The following BCAS1 variants were observed in gnomAD, a reference collection of about 807,000 sequenced individuals.
The protein encoded by BCAS1 is brain enriched myelin associated protein 1.
In BCAS1, 46 loss-of-function variants were observed where a neutral mutation model predicts 65.4. That is an observed-to-expected ratio of 0.70 (90% CI 0.55 to 0.90). BCAS1 has a LOEUF of 0.90. Among genes scored for constraint, BCAS1 ranks in the 40% least tolerant of loss-of-function variants. The pLI is 0.00. For missense variants in BCAS1, 793 were observed against 771.2 expected (o/e 1.03, Z -0.33); for synonymous variants, 298 against 293.5 (o/e 1.02, Z -0.16).
intron 10 of BCAS1, among the ~76,000 whole-genome samples, chr20:53,963,787 A>G (rs1411160385): frequency 1.3e-5 from 2 of 152,232 alleles, no homozygotes; most frequent in Admixed American, 6.5e-5. Flanking sequence ...TTTGGAAGCT[A>G]TGAACATGTT....
chr20:53,967,141 G>C, intron 9 of BCAS1, 68 bp from the exon 10 acceptor site: 1 of 1,561,644 alleles, frequency 6.4e-7, no homozygotes, highest in Middle Eastern at 1.8e-4. Flanking sequence ...GTTTTACAAA[G>C]TGGGGTCCTT....
intron 11 of BCAS1, among the ~76,000 whole-genome samples, chr20:53,957,045 A>G (rs757034947): frequency 3.3e-5 from 5 of 152,240 alleles, no homozygotes; most frequent in Non-Finnish European, 7.3e-5. Context: ...CAGACATGAG[A>G]AGAAACAGGG....
intron 3 of BCAS1, among the ~76,000 whole-genome samples, chr20:54,044,636 G>C (rs2092063898): frequency 6.6e-6 from 1 of 152,108 alleles, no homozygotes; most frequent in Non-Finnish European, 1.5e-5. Context: ...TCAGGAGTTT[G>C]AGACCAGCCT....
intron 1 of BCAS1, among the ~76,000 whole-genome samples, chr20:54,059,946 G>C (rs2092356128): frequency 6.6e-6 from 1 of 152,222 alleles, no homozygotes; most frequent in African/African-American, 2.4e-5. Context: ...TGGGCACTAG[G>C]GTTACAGCTG....
intron 4 of BCAS1, among the ~76,000 whole-genome samples, chr20:54,017,521 G>A (rs1212604681): frequency 2.0e-5 from 3 of 151,488 alleles, no homozygotes; most frequent in Non-Finnish European, 4.4e-5. Flanking sequence ...TCAGCTTCCT[G>A]AGTAGCTGAG....
At chr20:54,041,989 C>T (rs2092009065) in intron 3 of BCAS1, among the ~76,000 whole-genome samples, 1 of 149,964 alleles carries the variant, frequency 6.7e-6, no homozygotes. Flanking sequence ...TGGAAAATAG[C>T]TCAGTAATAT....
intron 12 of BCAS1, among the ~76,000 whole-genome samples, chr20:53,948,642 T>C (rs2089412509): frequency 6.6e-6 from 1 of 152,206 alleles, no homozygotes; most frequent in African/African-American, 2.4e-5. Flanking sequence ...ATGCAACCCC[T>C]TTCCTGCCTT....
intron 9 of BCAS1, among the ~76,000 whole-genome samples, chr20:53,969,032 G>C (rs2090111380): frequency 6.6e-6 from 1 of 152,216 alleles, no homozygotes; most frequent in Non-Finnish European, 1.5e-5. Context: ...TGAGCCACAA[G>C]AGCCCTTCAG....
intron 8 of BCAS1, among the ~76,000 whole-genome samples, chr20:53,979,285 T>G (rs926621950): frequency 2.0e-5 from 3 of 152,112 alleles, no homozygotes; most frequent in African/African-American, 7.2e-5. Flanking sequence ...CAATAAGAAC[T>G]CCAGAATCAG....
At chr20:53,996,241 G>T (rs1000058312) in intron 4 of BCAS1, among the ~76,000 whole-genome samples, 191 bp from the exon 5 acceptor site, 3 of 152,068 alleles carry the variant, frequency 2.0e-5, no homozygotes, top group African/African-American at 7.2e-5. Context: ...AACATATTCA[G>T]CATTTGCTGT....
At chr20:54,006,779 G>A (rs908527570) in intron 4 of BCAS1, among the ~76,000 whole-genome samples, 1 of 151,970 alleles carries the variant, frequency 6.6e-6, no homozygotes, top group Non-Finnish European at 1.5e-5. Context: ...ACTTGCCTAC[G>A]GTGTCATGAA....
chr20:54,021,291 A>G (rs1213502036), intron 4 of BCAS1, among the ~76,000 whole-genome samples: 2 of 151,740 alleles, frequency 1.3e-5, no homozygotes, highest in African/African-American at 2.4e-5. Flanking sequence ...GGTCACTGCA[A>G]TAGAGTCAAT....
chr20:54,008,536 G>A (rs1433475183), intron 4 of BCAS1, among the ~76,000 whole-genome samples: 1 of 152,212 alleles, frequency 6.6e-6, no homozygotes, highest in Non-Finnish European at 1.5e-5. Flanking sequence ...CCCAACAATG[G>A]AGGCTGGTGA....
intron 10 of BCAS1, among the ~76,000 whole-genome samples, chr20:53,957,768 G>A (rs1469832749): frequency 6.6e-6 from 1 of 152,180 alleles, no homozygotes; most frequent in Non-Finnish European, 1.5e-5. Context: ...AATGATGACG[G>A]TTCCAATTAA....
chr20:53,993,491 T>C (rs1037867618), intron 6 of BCAS1, among the ~76,000 whole-genome samples: 6 of 152,198 alleles, frequency 3.9e-5, no homozygotes, highest in Admixed American at 3.9e-4. Flanking sequence ...GCTCCACTAA[T>C]GTGACCCCAC....
chr20:54,064,489 G>A (rs1165368508), intron 1 of BCAS1, among the ~76,000 whole-genome samples: 1 of 152,180 alleles, frequency 6.6e-6, no homozygotes, highest in Non-Finnish European at 1.5e-5. Context: ...GCACTGTTTC[G>A]TGAGCTTGCA....
chr20:54,068,870 A>G (rs1601073023), intron 1 of BCAS1, among the ~76,000 whole-genome samples: 1 of 151,820 alleles, frequency 6.6e-6, no homozygotes, highest in South Asian at 2.1e-4. Context: ...GTGCAAAGGT[A>G]CCCCCGCCCC....
chr20:54,047,181 C>A (rs2092124937), intron 3 of BCAS1, among the ~76,000 whole-genome samples: 1 of 152,202 alleles, frequency 6.6e-6, no homozygotes, highest in Non-Finnish European at 1.5e-5. Flanking sequence ...CACAGCATGG[C>A]AATCTCAGGG....
At position 54,027,285 on chromosome 20, in the gene BCAS1, A is replaced by C. The variant is rs576894177; in HGVS notation, c.723+1107T>G. ...GAGTGTTCAGCGGTGCCCAGCCTTC[A>C]TAATGTAATTCTTCGTAGCACCCTG... On this transcript the variant is annotated intron_variant, in intron 4 of 12. Coordinates refer to ENST00000688948, the MANE Select transcript of BCAS1 (RefSeq NM_001366298.2). 2.0e-5 allele frequency among the ~76,000 whole-genome samples: 3 copies of C among 152,364 alleles called. No homozygotes were observed. The East Asian group carries it at 5.8e-4, about 29-fold the overall frequency.
Sources: gnomAD v4.1 joint callset for allele counts (sites outside exome capture counted in the v4.1 genomes callset) on GRCh38, gnomAD v4.1.1 for gene constraint, MANE v1.5 for transcripts, NCBI Gene and HGNC (gene_info 2026-07-23, HGNC 2026-07-21) for gene names.